The following PDHA1 variants were observed in gnomAD, a reference collection of about 807,000 sequenced individuals.
PDHA1 encodes the protein pyruvate dehydrogenase E1 subunit alpha 1.
In PDHA1, 1 loss-of-function variant was observed where a neutral mutation model predicts 33.0. The ratio of observed to expected loss-of-function variants is 0.03; its 90% CI spans 0.01 to 0.14. The LOEUF (loss-of-function observed/expected upper bound fraction) is 0.14, where lower values mean the gene tolerates loss of function less well. Among genes scored for constraint, PDHA1 ranks in the 10% least tolerant of loss-of-function variants. The pLI, the probability that PDHA1 is intolerant of heterozygous loss-of-function variation, is 1.00. For missense variants in PDHA1, 168 were observed against 325.1 expected (o/e 0.52, Z 3.72); for synonymous variants, 123 against 119.2 (o/e 1.03, Z -0.21).
At chrX:19,348,164 T>C (rs758718175) in intron 1 of PDHA1, among the ~76,000 whole-genome samples, 3 of 112,731 alleles carry the variant, frequency 2.7e-5, no homozygotes, top group East Asian at 5.6e-4. Flanking sequence ...TAAAATAGTA[T>C]GATAATACTA....
chrX:19,360,566 G>A lies in PDHA1; in HGVS notation c.*913G>A, dbSNP rs2063270555. The A allele has an allele frequency of 2.5e-6, 1 of 401,140 alleles. No homozygotes were observed. Among genetic ancestry groups the A allele is most frequent in the Non-Finnish European group, 4.3e-6 (1 of 231,225 alleles). The allele number at this position is 401,140 out of a possible 1,213,427, so 33.1% of individuals were successfully genotyped here. On this transcript the variant is annotated 3_prime_UTR_variant, in exon 11 of 11. Coordinates refer to ENST00000422285, the MANE Select transcript of PDHA1 (RefSeq NM_000284.4). Reference sequence around the variant, plus strand: ...GTTTTCACAATACACACAGTTCTATGTTTATAAATAACAGGTTTCAAAAGA... The same window carrying A: ...GTTTTCACAATACACACAGTTCTATATTTATAAATAACAGGTTTCAAAAGA...
At chrX:19,344,192 A>G (rs2063115501) in intron 1 of PDHA1, 98 bp downstream of exon 1, 3 of 748,997 alleles carry the variant, frequency 4.0e-6, no homozygotes, top group Admixed American at 5.8e-5. Flanking sequence ...AGCGGGGTGG[A>G]AGGCGCCAGG....
In PDHA1 at chrX:19,359,714, T is replaced by A. The variant is rs774406317; in HGVS notation, c.*61T>A. 9.6e-7 allele frequency: 1 copy of A among 1,046,216 alleles called. No individual in the cohort carries two copies. The highest frequency in any genetic ancestry group is 1.3e-6 in the Non-Finnish European group (1 of 745,991). The allele number at this position is 1,046,216 out of a possible 1,213,427, so 86.2% of individuals were successfully genotyped here. On this transcript the variant is annotated 3_prime_UTR_variant, in exon 11 of 11. Transcript: ENST00000422285. ...TACCAGACAGTGTTCTCAACTTGGT[T>A]AAGGAGGAAGAAAACCCAGTCAATG...
intron 8 of PDHA1, among the ~76,000 whole-genome samples, chrX:19,356,083 C>T (rs2063196000): frequency 9.0e-6 from 1 of 111,408 alleles, no homozygotes; most frequent in Non-Finnish European, 1.9e-5. Context: ...CTTGAAGGAA[C>T]AGATTGGGGA....
intron 6 of PDHA1, among the ~76,000 whole-genome samples, chrX:19,354,861 T>G (rs1184199164): frequency 8.9e-6 from 1 of 112,535 alleles, no homozygotes; most frequent in Non-Finnish European, 1.9e-5. Context: ...CACAACCTAT[T>G]GCAAAACAAT....
Position 19,359,023 on chromosome X carries a change from A to AGGTACAGTCACTTGTTCATGG in PDHA1, c.1008_1008+20dup, listed in dbSNP as rs756279537. ...AATCTTGCCAGTGTGGAAGAACTAA[A>AGGTACAGTCACTTGTTCATGG]GGTACAGTCACTTGTTCATGGTGGT... On this transcript the variant is annotated inframe_insertion and splice_region_variant, in exon 10 of 11. Coordinates refer to ENST00000422285, the MANE Select transcript of PDHA1 (RefSeq NM_000284.4). The AGGTACAGTCACTTGTTCATGG allele has an allele frequency of 8.9e-7, 1 of 1,117,682 alleles. No individual in the cohort carries two copies. The highest frequency in any genetic ancestry group is 1.8e-5 in the African/African-American group (1 of 55,985). The allele number at this position is 1,117,682 out of a possible 1,213,427, so 92.1% of individuals were successfully genotyped here. A position where few individuals can be genotyped will look rare whatever the true frequency, so the allele number is the denominator to read the frequency against.
chrX:19,358,663 G>T (rs968405165), intron 9 of PDHA1, among the ~76,000 whole-genome samples: 1 of 112,043 alleles, frequency 8.9e-6, no homozygotes, highest in Admixed American at 9.5e-5. Flanking sequence ...TGACTCACCA[G>T]TGTACGGTTT....
chrX:19,345,855 A>G, intron 1 of PDHA1: 1 of 211,649 alleles, frequency 4.7e-6, no homozygotes, highest in Non-Finnish European at 9.5e-6. Flanking sequence ...CTCTTCAGAT[A>G]ATTAGAAGTT....
chrX:19,354,420 A>G (rs2063182112), intron 5 of PDHA1, 71 bp from the exon 6 acceptor site: 1 of 641,174 alleles, frequency 1.6e-6, no homozygotes, highest in African/African-American at 2.2e-5. Flanking sequence ...AGGAGTGAAA[A>G]TGCAGGGCAT....
At chrX:19,357,806 T>C (rs1041015423) in intron 9 of PDHA1, 87 bp downstream of exon 9, 12 of 709,074 alleles carry the variant, frequency 1.7e-5, no homozygotes, top group Non-Finnish European at 2.7e-5. Context: ...TATTTGCTTT[T>C]GGAGCTAGAT....
In PDHA1 at chrX:19,361,345, C is replaced by A; in HGVS notation, c.*1692C>A. 2 of 1,201,978 alleles carry A rather than the reference C, an allele frequency of 1.7e-6. No homozygotes were observed. Among genetic ancestry groups the A allele is most frequent in the Non-Finnish European group, 2.3e-6 (2 of 887,855 alleles). ...ACTGTTTTGAGGCTCTTACCGTAGT[C>A]GAAGGTATCTTAGATCTTCCTTAGT... is the stretch of plus-strand genomic sequence containing the variant. On this transcript the variant is annotated 3_prime_UTR_variant, in exon 11 of 11. Coordinates refer to ENST00000422285, the MANE Select transcript of PDHA1 (RefSeq NM_000284.4).
chrX:19,357,737 G>T lies in PDHA1; in HGVS notation c.899+18G>T. ...GGAGTCAGGTACGCTCATGGGCAGT[G>T]TGGTTTCCATAGGGGTGGGCTTTGA... On this transcript the variant is annotated intron_variant, in intron 9 of 10. Transcript: ENST00000422285. 1.7e-6 allele frequency: 2 copies of T among 1,171,422 alleles called. No homozygotes were observed.
In PDHA1 at chrX:19,356,038, G is replaced by A. The variant is rs2063195340; in HGVS notation, c.831+281G>A. Among the ~76,000 whole-genome samples, 3 of 111,805 alleles carry A rather than the reference G, an allele frequency of 2.7e-5. No homozygotes were observed. In the Admixed American group the frequency reaches 2.8e-4, roughly 11 times the overall value. On this transcript the variant is annotated intron_variant, in intron 8 of 10. Coordinates refer to ENST00000422285, the MANE Select transcript of PDHA1 (RefSeq NM_000284.4). ...TTTGCCTTTTCCTTAGGTTAATTCT[G>A]TCCCTCCTCCCCACCCCCCATTAAT...
rs759062849 is a variant in PDHA1, at chrX:19,349,336, C to T, written c.82C>T (p.Arg28Cys). 25 of 1,186,132 alleles carry T rather than the reference C, an allele frequency of 2.1e-5. No homozygotes were observed. Among genetic ancestry groups the T allele is most frequent in the East Asian group, 8.9e-5 (3 of 33,682 alleles). Residue 28 changes from arginine to cysteine, a missense_variant, in exon 2 of 11, where the codon CGT becomes TGT. Physicochemically the swap from Arg to Cys is radical, Grantham distance 180. Around this residue, in one of 5 missense-constraint regions of PDHA1, gnomAD observed 46 missense variants for 47.4 expected, o/e 0.97. Coordinates refer to ENST00000422285, the MANE Select transcript of PDHA1 (RefSeq NM_000284.4). ...KPASRVLVAS[R>C]NFANDATFEI... ...GGCAAGCAGAGTGCTGGTAGCATCC[C>T]GTAATTTTGCAAATGATGCTACATT...
chrX:19,347,563 C>T (rs187625446), intron 1 of PDHA1, among the ~76,000 whole-genome samples: 1,203 of 112,506 alleles, frequency 0.011, 38 homozygotes, highest in Admixed American at 0.092. Context: ...CTCATTGTTT[C>T]AACTCTAGGA....
chrX:19,357,121 A>C (rs1044092637), intron 8 of PDHA1, among the ~76,000 whole-genome samples: 1 of 112,439 alleles, frequency 8.9e-6, no homozygotes, highest in Non-Finnish European at 1.9e-5. Flanking sequence ...GAGGCTCTAG[A>C]ACATGCTCAG....
In PDHA1 at chrX:19,359,513, G is replaced by A; in HGVS notation, c.1033G>A (p.Glu345Lys). The change falls in exon 11 of 11, where the codon GAG becomes AAG. Residue 345 changes from glutamate to lysine, a missense_variant. Physicochemically the swap from Glu to Lys is moderately conservative, Grantham distance 56. Around this residue, in one of 5 missense-constraint regions of PDHA1, gnomAD observed 58 missense variants for 63.4 expected, o/e 0.92. Coordinates refer to ENST00000422285, the MANE Select transcript of PDHA1 (RefSeq NM_000284.4). ...GGAAATTGATGTGGAAGTGAGGAAG[G>A]AGATTGAGGATGCTGCCCAGTTTGC... ...LKEIDVEVRK[E>K]IEDAAQFATA... The A allele has an allele frequency of 1.7e-6, 2 of 1,210,367 alleles. No homozygotes were observed.
chrX:19,351,795 G>GGT (rs2063164275), intron 4 of PDHA1, among the ~76,000 whole-genome samples: 1 of 74,388 alleles, frequency 1.3e-5, no homozygotes, highest in Admixed American at 1.4e-4. Flanking sequence ...TGTTTTGGTG[G>GGT]TTTTTTTTTT....
intron 4 of PDHA1, 78 bp from the exon 5 acceptor site, chrX:19,353,004 G>T: frequency 1.3e-6 from 1 of 777,855 alleles, no homozygotes; most frequent in Non-Finnish European, 2.0e-6. Flanking sequence ...GAGCCTCAGA[G>T]TACATATTTG....
Sources: gnomAD v4.1 joint callset for allele counts (sites outside exome capture counted in the v4.1 genomes callset) on GRCh38, gnomAD v4.1.1 for gene constraint, gnomAD v4.1.1 regional missense constraint, MANE v1.5 for transcripts, NCBI Gene and HGNC (gene_info 2026-07-23, HGNC 2026-07-21) for gene names.